Variants in C12orf42 observed in about 807,000 individuals in gnomAD.
C12orf42 encodes the protein uncharacterized protein C12orf42.
In C12orf42, 25 loss-of-function variants were observed where a neutral mutation model predicts 21.6. That is an observed-to-expected ratio of 1.16 (90% CI 0.84 to 1.62). The LOEUF (loss-of-function observed/expected upper bound fraction) is 1.62. C12orf42 is among the 40% of genes most tolerant of loss of function. The probability of loss-of-function intolerance (pLI) is 0.00; values close to 1 mark genes in which losing one functional copy is unlikely to be tolerated. For missense variants in C12orf42, 483 were observed against 459.3 expected (o/e 1.05, Z -0.47); for synonymous variants, 174 against 175.0 (o/e 0.99, Z 0.05).
chr12:103,391,671 T>C (rs2047090214), intron 3 of C12orf42, among the ~76,000 whole-genome samples: 1 of 151,090 alleles, frequency 6.6e-6, no homozygotes, highest in African/African-American at 2.4e-5. Context: ...ACCATATATA[T>C]CATATATACT....
intron 5 of C12orf42, among the ~76,000 whole-genome samples, chr12:103,273,049 A>C (rs1170438869): frequency 6.6e-6 from 1 of 152,212 alleles, no homozygotes; most frequent in South Asian, 2.1e-4. Context: ...ATGAAGTAGA[A>C]GAACATTTTT....
At chr12:103,157,480 C>T in the C12orf42 span, among the ~76,000 whole-genome samples, 1 of 152,054 alleles carries the variant, frequency 6.6e-6, no homozygotes. Flanking sequence ...TAATTAGATC[C>T]CATTTGTCCA....
At chr12:103,336,624 A>G (rs914521315) in intron 4 of C12orf42, among the ~76,000 whole-genome samples, 1 of 152,250 alleles carries the variant, frequency 6.6e-6, no homozygotes, top group Non-Finnish European at 1.5e-5. Flanking sequence ...AGCATCAAAT[A>G]TATGTAATCC....
chr12:103,505,200 A>C, the C12orf42 span, among the ~76,000 whole-genome samples: 1 of 152,198 alleles, frequency 6.6e-6, no homozygotes, highest in Non-Finnish European at 1.5e-5. Context: ...TGAAATAGAA[A>C]CATCTATTGA....
the C12orf42 span, among the ~76,000 whole-genome samples, chr12:103,552,888 A>G: frequency 5.3e-5 from 8 of 152,178 alleles, no homozygotes; most frequent in Admixed American, 5.2e-4. Flanking sequence ...ATGTGGCAAC[A>G]GGCAAGAGAG....
intron 2 of C12orf42, among the ~76,000 whole-genome samples, chr12:103,421,175 A>G (rs1286417364): frequency 6.6e-6 from 1 of 152,182 alleles, no homozygotes; most frequent in Admixed American, 6.5e-5. Flanking sequence ...CGAGAGGCCC[A>G]GGGGCTAATG....
chr12:103,133,574 A>G, the C12orf42 span, among the ~76,000 whole-genome samples: 2 of 152,208 alleles, frequency 1.3e-5, no homozygotes. Flanking sequence ...CACTGAAAAA[A>G]CAAAACAAAC....
intron 3 of C12orf42, among the ~76,000 whole-genome samples, chr12:103,385,659 C>T (rs2046550129): frequency 2.0e-5 from 3 of 152,086 alleles, no homozygotes; most frequent in African/African-American, 7.2e-5. Context: ...TGAGAATGAT[C>T]CATTTTTGTT....
the C12orf42 span, among the ~76,000 whole-genome samples, chr12:103,507,203 AT>A: frequency 8.4e-5 from 3 of 35,544 alleles, no homozygotes; most frequent in African/African-American, 5.9e-4. Context: ...ATATATTTAT[AT>A]TATATATATA....
the C12orf42 span, among the ~76,000 whole-genome samples, chr12:103,556,853 T>C: frequency 6.6e-6 from 1 of 151,222 alleles, no homozygotes; most frequent in Non-Finnish European, 1.5e-5. Flanking sequence ...TAAGTGTCCT[T>C]AGAAGAGACA....
the C12orf42 span, among the ~76,000 whole-genome samples, chr12:103,158,558 A>G: frequency 6.6e-6 from 1 of 152,146 alleles, no homozygotes; most frequent in Non-Finnish European, 1.5e-5. Flanking sequence ...TGGAGATTCA[A>G]TTTCATCTTC....
chr12:103,220,269 A>C, the C12orf42 span, among the ~76,000 whole-genome samples: 1 of 152,170 alleles, frequency 6.6e-6, no homozygotes, highest in Non-Finnish European at 1.5e-5. Context: ...AGGGGGTGGG[A>C]TAGCATTAGG....
chr12:103,104,749 T>C, the C12orf42 span, among the ~76,000 whole-genome samples: 1 of 152,324 alleles, frequency 6.6e-6, no homozygotes, highest in South Asian at 2.1e-4. Flanking sequence ...TCCATGTTTA[T>C]TCAGGAACAG....
the C12orf42 span, among the ~76,000 whole-genome samples, chr12:103,087,387 AG>A: frequency 6.6e-6 from 1 of 152,230 alleles, no homozygotes; most frequent in Non-Finnish European, 1.5e-5. Context: ...ATAGAACACT[AG>A]TGAGAAACAT....
the C12orf42 span, among the ~76,000 whole-genome samples, chr12:103,187,755 C>T: frequency 6.6e-6 from 1 of 152,240 alleles, no homozygotes; most frequent in East Asian, 1.9e-4. Flanking sequence ...CAAGATTTGC[C>T]ATGGAATAAA....
At chr12:103,465,029 T>C (rs1592928638) in intron 2 of C12orf42, among the ~76,000 whole-genome samples, 1 of 151,636 alleles carries the variant, frequency 6.6e-6, no homozygotes, top group African/African-American at 2.4e-5. Flanking sequence ...TTTTTACTTT[T>C]TATTTTGTTC....
At chr12:103,403,660 A>G (rs1331348859) in intron 2 of C12orf42, among the ~76,000 whole-genome samples, 1 of 152,196 alleles carries the variant, frequency 6.6e-6, no homozygotes, top group Non-Finnish European at 1.5e-5. Context: ...CCATGTCTGC[A>G]GGGAGGGGAA....
intron 4 of C12orf42, among the ~76,000 whole-genome samples, chr12:103,335,067 T>A (rs1040605778): frequency 2.6e-5 from 4 of 152,240 alleles, no homozygotes; most frequent in Admixed American, 2.0e-4. Context: ...CTGTGTTTTA[T>A]GAGAGGCTGG....
the C12orf42 span, among the ~76,000 whole-genome samples, chr12:103,230,902 C>A: frequency 2.6e-5 from 4 of 151,942 alleles, no homozygotes; most frequent in Non-Finnish European, 4.4e-5. Context: ...TAATTTTTGA[C>A]CTTTCTTTTT....
Sources: allele counts gnomAD v4.1 joint callset (sites outside exome capture counted in the v4.1 genomes callset), GRCh38; gene constraint gnomAD v4.1.1; transcripts MANE v1.5; gene names NCBI Gene and HGNC (gene_info 2026-07-23, HGNC 2026-07-21).